HPSE2: variants seen among roughly 807,000 people sequenced by gnomAD.
HPSE2 encodes the protein inactive heparanase-2.
A neutral mutation model predicts 60.5 loss-of-function variants in HPSE2; 38 were observed. The ratio of observed to expected loss-of-function variants is 0.63; its 90% confidence interval spans 0.48 to 0.82. The LOEUF (loss-of-function observed/expected upper bound fraction) is 0.82. HPSE2 is among the 40% of genes least tolerant of loss of function. The pLI is 0.00. For synonymous variants in HPSE2, 295 were observed against 293.2 expected, an observed-to-expected ratio of 1.01 and a Z score of -0.06; for missense variants, 713 against 740.4, an observed-to-expected ratio of 0.96 and a Z score of 0.43.
intron 3 of HPSE2, among the ~76,000 whole-genome samples, chr10:99,055,716 T>C (rs1958097659): frequency 6.6e-6 from 1 of 152,106 alleles, no homozygotes; most frequent in Admixed American, 6.6e-5. Context: ...AACATATTTC[T>C]AAATAACCCA....
intron 3 of HPSE2, among the ~76,000 whole-genome samples, chr10:98,915,789 G>A: frequency 6.6e-6 from 1 of 152,186 alleles, no homozygotes; most frequent in East Asian, 1.9e-4. Context: ...ATGCGGAAAG[G>A]AATGACTGAA....
At chr10:99,101,402 A>G (rs960629664) in intron 3 of HPSE2, among the ~76,000 whole-genome samples, 1 of 152,250 alleles carries the variant, frequency 6.6e-6, no homozygotes, top group African/African-American at 2.4e-5. Context: ...AGGACATTAC[A>G]TAATGGTAAA....
At position 98,932,971 on chromosome 10, in the gene HPSE2, T is replaced by C. The variant is rs185806302; in HGVS notation, c.611-188915A>G. Reference sequence around the variant, plus strand: ...TTTCGAAGTGTTTTTCAGGTCTCTATCTCCCGAGTTTGGTTATTTCCTGTC... The same window carrying C: ...TTTCGAAGTGTTTTTCAGGTCTCTACCTCCCGAGTTTGGTTATTTCCTGTC... On this transcript the variant is annotated intron_variant, in intron 3 of 11. Transcript: ENST00000370552. 3.5e-5 allele frequency among the ~76,000 whole-genome samples: 5 copies of C among 143,898 alleles called. No individual in the cohort carries two copies. The East Asian group carries it at 9.9e-4, about 28-fold the overall frequency. 94.4% of individuals were successfully genotyped at this position (143,898 alleles called of 152,430 possible).
chr10:98,871,726 T>G (rs1345546036), intron 3 of HPSE2, among the ~76,000 whole-genome samples: 1 of 151,952 alleles, frequency 6.6e-6, no homozygotes, highest in African/African-American at 2.4e-5. Context: ...AAAAACAGCC[T>G]AAGGAAGGGA....
intron 3 of HPSE2, among the ~76,000 whole-genome samples, chr10:98,863,364 T>C (rs1197692939): frequency 6.6e-6 from 1 of 152,130 alleles, no homozygotes; most frequent in African/African-American, 2.4e-5. Flanking sequence ...AGTGTCTGTA[T>C]GTATCTGTGT....
chr10:98,693,787 C>CT, intron 6 of HPSE2, 113 bp downstream of exon 6: 1 of 910,204 alleles, frequency 1.1e-6, no homozygotes, highest in Non-Finnish European at 1.8e-6. Flanking sequence ...AAATTTTTTC[C>CT]TGGAGGATGA....
chr10:99,040,050 T>C (rs1454495687), intron 3 of HPSE2, among the ~76,000 whole-genome samples: 2 of 152,240 alleles, frequency 1.3e-5, no homozygotes, highest in African/African-American at 2.4e-5. Context: ...CCAGATAGAT[T>C]ATTGATTACA....
chr10:99,229,438 CA>C (rs765976911), intron 2 of HPSE2, among the ~76,000 whole-genome samples: 3 of 152,162 alleles, frequency 2.0e-5, no homozygotes, highest in Non-Finnish European at 4.4e-5. Flanking sequence ...CACTTTAAAA[CA>C]TTAAATATAT....
chr10:99,109,018 C>G (rs1156561021), intron 3 of HPSE2, among the ~76,000 whole-genome samples: 1 of 152,130 alleles, frequency 6.6e-6, no homozygotes, highest in Non-Finnish European at 1.5e-5. Context: ...CAGGAAGGCT[C>G]ACCCAGGGTT....
chr10:99,210,230 T>C (rs1012037921), intron 2 of HPSE2, among the ~76,000 whole-genome samples: 1 of 151,676 alleles, frequency 6.6e-6, no homozygotes, highest in African/African-American at 2.4e-5. Flanking sequence ...CGTGAAGAAA[T>C]AAAAAATCTG....
chr10:99,139,825 C>T (rs1845800830), intron 3 of HPSE2, among the ~76,000 whole-genome samples: 1 of 152,170 alleles, frequency 6.6e-6, no homozygotes, highest in Non-Finnish European at 1.5e-5. Context: ...TAGGAAAATA[C>T]ATTTGTGTAT....
At position 98,459,500 on chromosome 10, in the gene HPSE2, CAG is replaced by C; in HGVS notation, c.*72_*73del. 1 of 1,505,466 alleles carries C rather than the reference CAG, an allele frequency of 6.6e-7. No homozygotes were observed. The highest frequency in any genetic ancestry group is 9.2e-7 in the Non-Finnish European group (1 of 1,081,990). 93.3% of individuals were successfully genotyped at this position (1,505,466 alleles called of 1,614,324 possible). A position where few individuals can be genotyped will look rare whatever the true frequency, so the allele number is the denominator to read the frequency against. ...GGCTGGTTGCTAGGATGTCTGAAAA[CAG>C]AGGATACTACTGGAGTGGAGGAGTG... On this transcript the variant is annotated 3_prime_UTR_variant, in exon 12 of 12. Coordinates refer to ENST00000370552, the MANE Select transcript of HPSE2 (RefSeq NM_021828.5).
chr10:99,279,969 C>G, the HPSE2 span, among the ~76,000 whole-genome samples: 2 of 152,156 alleles, frequency 1.3e-5, no homozygotes, highest in Admixed American at 1.3e-4. Context: ...TCAGCAAATC[C>G]TTTGGAGACT....
intron 9 of HPSE2, among the ~76,000 whole-genome samples, chr10:98,507,196 T>A (rs545566651): frequency 1.3e-5 from 2 of 152,130 alleles, no homozygotes. Context: ...AGGTAACTCA[T>A]AGGTTGATGG....
chr10:98,493,624 G>A (rs536983236), intron 9 of HPSE2, among the ~76,000 whole-genome samples: 2 of 151,904 alleles, frequency 1.3e-5, no homozygotes, highest in East Asian at 1.9e-4. Flanking sequence ...CTCTCTTTTG[G>A]TTACTATTTT....
intron 3 of HPSE2, among the ~76,000 whole-genome samples, chr10:98,891,059 G>A (rs966792395): frequency 7.9e-5 from 12 of 152,084 alleles, no homozygotes; most frequent in Admixed American, 7.9e-4. Context: ...ACAATCTCCT[G>A]TTTTATAAAA....
chr10:98,910,204 G>A (rs1020276345), intron 3 of HPSE2, among the ~76,000 whole-genome samples: 7 of 152,178 alleles, frequency 4.6e-5, no homozygotes, highest in Non-Finnish European at 1.5e-5. Context: ...AGTTGTGAGG[G>A]AGGGGCTAGT....
At chr10:99,017,080 T>C (rs1007999235) in intron 3 of HPSE2, among the ~76,000 whole-genome samples, 11 of 152,120 alleles carry the variant, frequency 7.2e-5, no homozygotes, top group Non-Finnish European at 1.6e-4. Flanking sequence ...GTAGGAGTGG[T>C]GAGAGAGACT....
chr10:99,144,877 T>C (rs1179924763), intron 2 of HPSE2, among the ~76,000 whole-genome samples: 1 of 152,218 alleles, frequency 6.6e-6, no homozygotes, highest in African/African-American at 2.4e-5. Flanking sequence ...CCAGCCAGCC[T>C]ACTCAGCTCA....
Sources: allele counts gnomAD v4.1 joint callset (sites outside exome capture counted in the v4.1 genomes callset), GRCh38; gene constraint gnomAD v4.1.1; transcripts MANE v1.5; gene names NCBI Gene and HGNC (gene_info 2026-07-23, HGNC 2026-07-21).